The following SEMA4F variants were observed in gnomAD, a reference collection of about 807,000 sequenced individuals.
The protein encoded by SEMA4F is ssemaphorin 4F, also known as semaphorin-4F.
Under a neutral mutation model 78.4 loss-of-function variants are expected in SEMA4F, and 51 were observed. That is an observed-to-expected ratio of 0.65 (90% confidence interval 0.52 to 0.82). The LOEUF is 0.82. SEMA4F is among the 40% of genes least tolerant of loss of function. The pLI is 0.00. For missense variants in SEMA4F, 938 were observed against 1,014.4 expected, an observed-to-expected ratio of 0.92 and a Z score of 1.02; for synonymous variants, 418 against 408.7, an observed-to-expected ratio of 1.02 and a Z score of -0.27.
chr2:74,696,603 T>G, the SEMA4F span, among the ~76,000 whole-genome samples: 1 of 152,120 alleles, frequency 6.6e-6, no homozygotes, highest in Non-Finnish European at 1.5e-5. Context: ...AAACTACCAG[T>G]TGGGTTCAGT....
chr2:74,656,156 G>A (rs1017636688), intron 1 of SEMA4F, among the ~76,000 whole-genome samples: 8 of 151,724 alleles, frequency 5.3e-5, no homozygotes, highest in East Asian at 1.9e-4. Context: ...TTACAGGTGC[G>A]CGCCACCTTG....
At chr2:74,687,002 A>G (rs1168390150), downstream of SEMA4F, among the ~76,000 whole-genome samples, 1 of 152,168 alleles carries the variant, frequency 6.6e-6, no homozygotes, top group Non-Finnish European at 1.5e-5. Flanking sequence ...AAAAAAGAAG[A>G]AAAGAAAACT....
At chr2:74,694,036 TA>T in the SEMA4F span, among the ~76,000 whole-genome samples, 1 of 152,212 alleles carries the variant, frequency 6.6e-6, no homozygotes. Context: ...TACTAACAGA[TA>T]AACTCTGATA....
chr2:74,675,744 T>C lies in SEMA4F; in HGVS notation c.1483-5T>C, dbSNP rs1488072767. 1.9e-6 allele frequency: 3 copies of C among 1,613,814 alleles called. No homozygotes were observed. In the African/African-American group the frequency reaches 4.0e-5, roughly 22 times the overall value. ...GTATTCCCCTTCCCCACTCCGTTTT[T>C]ATAGAGCTGGCTCCTGGTTGGCTCC... On this transcript the variant is annotated splice_region_variant and splice_polypyrimidine_tract_variant and intron_variant, in intron 11 of 13. Coordinates refer to ENST00000357877, the MANE Select transcript of SEMA4F (RefSeq NM_004263.5).
At chr2:74,661,355 GTTA>G (rs1558720209) in intron 4 of SEMA4F, among the ~76,000 whole-genome samples, 1 of 152,198 alleles carries the variant, frequency 6.6e-6, no homozygotes. Flanking sequence ...TGCACAAAAA[GTTA>G]TTATTAAGTC....
At chr2:74,684,509 G>C (rs1320383275), downstream of SEMA4F, among the ~76,000 whole-genome samples, 1 of 152,136 alleles carries the variant, frequency 6.6e-6, no homozygotes, top group Non-Finnish European at 1.5e-5. Flanking sequence ...AAGGGAACTT[G>C]GCTAACCATA....
At chr2:74,664,566 T>C (rs1253134829) in intron 5 of SEMA4F, among the ~76,000 whole-genome samples, 13 of 152,200 alleles carry the variant, frequency 8.5e-5, no homozygotes, top group Admixed American at 8.5e-4. Flanking sequence ...AGAAAGGGTA[T>C]ACCAATTTAC....
At position 74,656,012 on chromosome 2, in the gene SEMA4F, ATTT is replaced by A. The variant is rs35061970; in HGVS notation, c.146-510_146-508del. Among the ~76,000 whole-genome samples, 41 of 145,600 alleles carry A rather than the reference ATTT, an allele frequency of 2.8e-4. 1 individual carries two copies. The East Asian group carries it at 7.4e-3, about 26-fold the overall frequency. On this transcript the variant is annotated intron_variant, in intron 1 of 13. Transcript: ENST00000357877. The stretch of plus-strand genomic sequence containing the variant: ...TTTTGAATGCTAATATGAGGTTTAG[ATTT>A]TTTTTTTTTTTGAAGCGGAGTCTTG...
At chr2:74,705,665 G>A in the SEMA4F span, among the ~76,000 whole-genome samples, 249 of 152,338 alleles carry the variant, frequency 1.6e-3, no homozygotes, top group Middle Eastern at 6.8e-3. Context: ...ATGGGATCTG[G>A]TGATCCTCCT....
At chr2:74,666,980 T>C (rs1684729416) in intron 5 of SEMA4F, among the ~76,000 whole-genome samples, 1 of 152,204 alleles carries the variant, frequency 6.6e-6, no homozygotes, top group Admixed American at 6.5e-5. Flanking sequence ...TAACCACTAT[T>C]ATTATTTTGG....
the SEMA4F span, among the ~76,000 whole-genome samples, chr2:74,703,566 A>G: frequency 6.6e-6 from 1 of 152,194 alleles, no homozygotes; most frequent in Non-Finnish European, 1.5e-5. Context: ...ATGAAACACT[A>G]ATCTTGGCCT....
the SEMA4F span, among the ~76,000 whole-genome samples, chr2:74,695,996 A>G: frequency 1.3e-5 from 2 of 152,164 alleles, no homozygotes; most frequent in Non-Finnish European, 2.9e-5. Flanking sequence ...AAATTCAGGG[A>G]AGCCAGGGCC....
downstream of SEMA4F, among the ~76,000 whole-genome samples, chr2:74,685,254 G>A (rs192369649): frequency 1.3e-5 from 2 of 152,234 alleles, no homozygotes; most frequent in South Asian, 2.1e-4. Context: ...ACAGGGTTCA[G>A]TAAAAAGAGA....
intron 5 of SEMA4F, among the ~76,000 whole-genome samples, chr2:74,672,750 C>T (rs1457571598): frequency 1.3e-5 from 2 of 152,136 alleles, no homozygotes; most frequent in Admixed American, 6.5e-5. Context: ...CTCCACTGTA[C>T]TAGGAGGGAG....
chr2:74,675,991 G>T, intron 12 of SEMA4F, 82 bp downstream of exon 12: 1 of 1,459,676 alleles, frequency 6.9e-7, no homozygotes, highest in South Asian at 1.3e-5. Context: ...ATCTGTTAAT[G>T]CTGCCCTGCC....
Position 74,683,617 on chromosome 2 carries a change from G to A in SEMA4F, c.*3408G>A, listed in dbSNP as rs1309464534. ...TCCCCATGCTTGGTGTGGAAGGAGGGAGCTGCTCACCCTCTGTATGGGCTT... is the reference window on the plus strand; with the variant it reads ...TCCCCATGCTTGGTGTGGAAGGAGGAAGCTGCTCACCCTCTGTATGGGCTT... On this transcript the variant is annotated 3_prime_UTR_variant, in exon 14 of 14. Coordinates refer to ENST00000357877, the MANE Select transcript of SEMA4F (RefSeq NM_004263.5). 6.6e-6 allele frequency: 1 copy of A among 152,234 alleles called. No individual in the cohort carries two copies. Among genetic ancestry groups the A allele is most frequent in the East Asian group, 1.9e-4 (1 of 5,176 alleles). 9.4% of individuals were successfully genotyped at this position (152,234 alleles called of 1,614,324 possible).
At position 74,675,158 on chromosome 2, in the gene SEMA4F, C is replaced by G; in HGVS notation, c.1150-4C>G. On this transcript the variant is annotated splice_region_variant and splice_polypyrimidine_tract_variant and intron_variant, in intron 9 of 13. Coordinates refer to ENST00000357877, the MANE Select transcript of SEMA4F (RefSeq NM_004263.5). ...CTTTGTCACCAGCCCTGTATTTCCT[C>G]TAGTGCATCACCAACAACATGAAGC... The G allele has an allele frequency of 6.2e-7, 1 of 1,614,110 alleles. No homozygotes were observed.
At chr2:74,668,929 C>CAAA (rs1308342967) in intron 5 of SEMA4F, among the ~76,000 whole-genome samples, 100 of 55,562 alleles carry the variant, frequency 1.8e-3, no homozygotes, top group African/African-American at 5.6e-3. Context: ...CAAGCGTGGC[C>CAAA]AAAAAAAAAA....
At position 74,663,563 on chromosome 2, in the gene SEMA4F, C is replaced by T. The variant is rs369178182; in HGVS notation, c.550+738C>T. On this transcript the variant is annotated intron_variant, in intron 5 of 13. Coordinates refer to ENST00000357877, the MANE Select transcript of SEMA4F (RefSeq NM_004263.5). ...CATGAAGCATAGTGCTAGTATCTCC[C>T]TCTGGTGAGGTCCTTAGGAAGCGTA... Among the ~76,000 whole-genome samples, 59 of 152,308 alleles carry T rather than the reference C, an allele frequency of 3.9e-4. 2 individuals carry two copies. The East Asian group carries it at 9.1e-3, about 23-fold the overall frequency.
Sources: allele counts gnomAD v4.1 joint callset (sites outside exome capture counted in the v4.1 genomes callset), GRCh38; gene constraint gnomAD v4.1.1; transcripts MANE v1.5; gene names NCBI Gene and HGNC (gene_info 2026-07-23, HGNC 2026-07-21).